COG5: variants seen among roughly 807,000 people sequenced by gnomAD.
COG5 encodes component of oligomeric golgi complex 5.
In COG5, 86 loss-of-function variants were observed where a neutral mutation model predicts 110.4. The ratio of observed to expected loss-of-function variants is 0.78; its 90% CI spans 0.65 to 0.93. The LOEUF is 0.93. Ranked by LOEUF, COG5 falls within the 40% of genes least tolerant of loss-of-function variation. The probability of loss-of-function intolerance (pLI) is 0.00; values close to 1 mark genes in which losing one functional copy is unlikely to be tolerated. For missense variants in COG5, 1,077 were observed against 987.0 expected, an observed-to-expected ratio of 1.09 and a Z score of -1.22; for synonymous variants, 360 against 334.6, an observed-to-expected ratio of 1.08 and a Z score of -0.83.
chr7:107,429,662 T>C (rs767530702), intron 6 of COG5, among the ~76,000 whole-genome samples: 22 of 152,164 alleles, frequency 1.4e-4, no homozygotes, highest in Non-Finnish European at 2.8e-4. Context: ...GCTCCCAAAA[T>C]TCCCACATGT....
chr7:107,289,299 CA>C (rs1805961450), intron 12 of COG5, among the ~76,000 whole-genome samples: 1 of 152,126 alleles, frequency 6.6e-6, no homozygotes, highest in Non-Finnish European at 1.5e-5. Context: ...ATGGTCTTTA[CA>C]CTTTTTGAAG....
intron 10 of COG5, among the ~76,000 whole-genome samples, chr7:107,361,180 G>A (rs1813081683): frequency 6.6e-6 from 1 of 152,172 alleles, no homozygotes; most frequent in Non-Finnish European, 1.5e-5. Flanking sequence ...ATTATCCTAT[G>A]AATCATTATC....
At chr7:107,214,032 C>G (rs1799348672) in intron 19 of COG5, among the ~76,000 whole-genome samples, 1 of 151,966 alleles carries the variant, frequency 6.6e-6, no homozygotes, top group Non-Finnish European at 1.5e-5. Flanking sequence ...ATCTGGAACA[C>G]AATATATGAA....
chr7:107,234,363 G>A (rs1801002929), intron 18 of COG5, among the ~76,000 whole-genome samples: 1 of 152,174 alleles, frequency 6.6e-6, no homozygotes, highest in East Asian at 1.9e-4. Flanking sequence ...TAGACAACAT[G>A]TCTTAAGAAA....
intron 11 of COG5, among the ~76,000 whole-genome samples, chr7:107,310,280 A>G (rs774394922): frequency 6.6e-6 from 1 of 152,228 alleles, no homozygotes; most frequent in African/African-American, 2.4e-5. Flanking sequence ...ACACAGTGCT[A>G]CTTCATAAAG....
At chr7:107,353,165 C>T (rs570578441) in intron 10 of COG5, among the ~76,000 whole-genome samples, 10 of 152,158 alleles carry the variant, frequency 6.6e-5, no homozygotes, top group African/African-American at 2.2e-4. Context: ...GTGGTTCACG[C>T]CTGTAATCCC....
At chr7:107,412,038 A>G (rs1238012664) in intron 7 of COG5, among the ~76,000 whole-genome samples, 1 of 152,180 alleles carries the variant, frequency 6.6e-6, no homozygotes, top group Non-Finnish European at 1.5e-5. Flanking sequence ...TTAAGAGTGC[A>G]AAGTTCTGGG....
intron 7 of COG5, among the ~76,000 whole-genome samples, chr7:107,406,785 A>G (rs1169464166): frequency 6.6e-6 from 1 of 152,222 alleles, no homozygotes; most frequent in Admixed American, 6.5e-5. Flanking sequence ...ACTCTAAAAT[A>G]TGATACAATT....
At chr7:107,272,390 T>C (rs895767147) in intron 14 of COG5, among the ~76,000 whole-genome samples, 1 of 152,192 alleles carries the variant, frequency 6.6e-6, no homozygotes, top group Admixed American at 6.5e-5. Flanking sequence ...ATCTTACATA[T>C]GTTGATTGAT....
At chr7:107,284,908 A>C (rs4730229) in intron 12 of COG5, among the ~76,000 whole-genome samples, 1 of 152,050 alleles carries the variant, frequency 6.6e-6, no homozygotes, top group Non-Finnish European at 1.5e-5. Flanking sequence ...TTCATCTAAA[A>C]AGTTAACCTT....
intron 5 of COG5, among the ~76,000 whole-genome samples, chr7:107,532,371 C>G (rs1381110033): frequency 1.3e-5 from 2 of 152,022 alleles, no homozygotes; most frequent in African/African-American, 4.8e-5. Flanking sequence ...AACAGCATTT[C>G]AAGACCACAT....
intron 12 of COG5, among the ~76,000 whole-genome samples, chr7:107,284,147 A>C (rs1351618471): frequency 6.6e-6 from 1 of 151,756 alleles, no homozygotes; most frequent in African/African-American, 2.4e-5. Flanking sequence ...ATGGTCTCAA[A>C]CTCCTGACTC....
chr7:107,452,160 C>A (rs1437891577), intron 6 of COG5, among the ~76,000 whole-genome samples: 1 of 152,128 alleles, frequency 6.6e-6, no homozygotes, highest in Non-Finnish European at 1.5e-5. Context: ...ATTCTTATCA[C>A]CATGAACTCT....
chr7:107,558,382 G>C (rs1241891267), intron 1 of COG5, among the ~76,000 whole-genome samples: 2 of 151,158 alleles, frequency 1.3e-5, no homozygotes, highest in South Asian at 2.1e-4. Context: ...TGGATCACCT[G>C]AGGTCAGGTG....
In COG5 at chr7:107,452,016, AT is replaced by A. The variant is rs1584842028; in HGVS notation, c.539-39385del. Reference sequence around the variant, plus strand: ...CCTCACAGAACCATTCCTCCTACGAATGGTTCAGTGAGTAGACCTACTATCC... The same window carrying A: ...CCTCACAGAACCATTCCTCCTACGAAGGTTCAGTGAGTAGACCTACTATCC... On this transcript the variant is annotated intron_variant, in intron 6 of 21. Transcript: ENST00000297135. Among the ~76,000 whole-genome samples, 4 of 152,084 alleles carry A rather than the reference AT, an allele frequency of 2.6e-5. No homozygotes were observed. The East Asian group carries it at 7.7e-4, about 29-fold the overall frequency.
At chr7:107,288,186 A>T (rs1213681875) in intron 12 of COG5, among the ~76,000 whole-genome samples, 1 of 152,108 alleles carries the variant, frequency 6.6e-6, no homozygotes, top group Non-Finnish European at 1.5e-5. Flanking sequence ...CAACAAAGTT[A>T]AACCTCGCCG....
intron 7 of COG5, among the ~76,000 whole-genome samples, chr7:107,373,815 C>G (rs1421944254): frequency 2.0e-5 from 3 of 152,104 alleles, no homozygotes; most frequent in Non-Finnish European, 4.4e-5. Flanking sequence ...TTATCAGAGA[C>G]ACATGGTTAA....
chr7:107,331,680 C>T (rs1810260973), intron 10 of COG5, among the ~76,000 whole-genome samples: 1 of 151,878 alleles, frequency 6.6e-6, no homozygotes, highest in South Asian at 2.1e-4. Flanking sequence ...TTATTAATAA[C>T]TAGGACTAAA....
At chr7:107,413,540 C>CAA (rs58689670) in intron 6 of COG5, among the ~76,000 whole-genome samples, 56 of 138,662 alleles carry the variant, frequency 4.0e-4, no homozygotes, top group African/African-American at 1.3e-3. Context: ...AAAAACACAA[C>CAA]AAAAAAAAAA....
Sources: allele counts gnomAD v4.1 joint callset (sites outside exome capture counted in the v4.1 genomes callset), GRCh38; gene constraint gnomAD v4.1.1; transcripts MANE v1.5; gene names NCBI Gene and HGNC (gene_info 2026-07-23, HGNC 2026-07-21).